The following SESTD1 variants were observed in gnomAD, a reference collection of about 807,000 sequenced individuals.
The protein encoded by SESTD1 is SEC14 and spectrin domain containing 1.
In SESTD1, 43 loss-of-function variants were observed where a neutral mutation model predicts 101.7. The ratio of observed to expected loss-of-function variants is 0.42; its 90% CI spans 0.33 to 0.55. SESTD1 has a LOEUF of 0.55. SESTD1 is among the 20% of genes least tolerant of loss of function. The pLI is 0.07. For missense variants in SESTD1, 647 were observed against 815.1 expected (o/e 0.79, Z 2.51); for synonymous variants, 283 against 286.8 (o/e 0.99, Z 0.13).
At chr2:179,173,010 G>A (rs1190284759) in intron 4 of SESTD1, among the ~76,000 whole-genome samples, 1 of 152,050 alleles carries the variant, frequency 6.6e-6, no homozygotes, top group Non-Finnish European at 1.5e-5. Flanking sequence ...GACCTACAAG[G>A]CCCTTCAAGC....
At chr2:179,152,415 A>T (rs1257884646) in intron 5 of SESTD1, among the ~76,000 whole-genome samples, 3 of 152,240 alleles carry the variant, frequency 2.0e-5, no homozygotes, top group Non-Finnish European at 4.4e-5. Context: ...ATGTGACTAT[A>T]TGTGCTTGTT....
chr2:179,117,700 A>G (rs2044664102), intron 13 of SESTD1, 87 bp from the exon 14 acceptor site: 1 of 1,060,010 alleles, frequency 9.4e-7, no homozygotes, highest in Admixed American at 2.9e-5. Context: ...TGTATTTTAT[A>G]GTACACTAAA....
At chr2:179,158,326 G>A (rs1463333310) in intron 5 of SESTD1, among the ~76,000 whole-genome samples, 1 of 151,992 alleles carries the variant, frequency 6.6e-6, no homozygotes, top group African/African-American at 2.4e-5. Context: ...AAGAGCTCTC[G>A]TCACTTTTCT....
chr2:179,203,541 C>T (rs2046549817), intron 1 of SESTD1, among the ~76,000 whole-genome samples: 1 of 134,354 alleles, frequency 7.4e-6, no homozygotes, highest in African/African-American at 3.0e-5. Context: ...CCTCCTCCCC[C>T]GATACCTTGC....
chr2:179,232,836 G>A (rs1188790230), intron 1 of SESTD1, among the ~76,000 whole-genome samples: 1 of 152,136 alleles, frequency 6.6e-6, no homozygotes, highest in Non-Finnish European at 1.5e-5. Flanking sequence ...TTTGTGTACA[G>A]AGAACCAAAA....
At chr2:179,187,329 C>CA (rs1194291781) in intron 2 of SESTD1, among the ~76,000 whole-genome samples, 3 of 151,652 alleles carry the variant, frequency 2.0e-5, no homozygotes, top group Non-Finnish European at 2.9e-5. Flanking sequence ...AAGATGGATC[C>CA]AAAAAAAAGA....
chr2:179,196,204 C>T lies in SESTD1; in HGVS notation c.-25-4338G>A, dbSNP rs144018565. Among the ~76,000 whole-genome samples, 1,294 of 152,312 alleles carry T rather than the reference C, an allele frequency of 8.5e-3. 10 individuals carry two copies. Among genetic ancestry groups the T allele is most frequent in the African/African-American group, 0.029 (1,205 of 41,564 alleles). On this transcript the variant is annotated intron_variant, in intron 1 of 17. Coordinates refer to ENST00000428443, the MANE Select transcript of SESTD1 (RefSeq NM_178123.5). ...CAAAGAACGGGGTGACAGATGGCAC[C>T]TGGAAAATTGGGTCACTCCCACTCG...
chr2:179,122,920 T>TAA (rs2044786379), intron 12 of SESTD1, among the ~76,000 whole-genome samples: 1 of 152,152 alleles, frequency 6.6e-6, no homozygotes, highest in Non-Finnish European at 1.5e-5. Flanking sequence ...ACAAAGGCTG[T>TAA]AAGCAAGTAA....
intron 1 of SESTD1, among the ~76,000 whole-genome samples, chr2:179,228,579 G>A (rs913832727): frequency 2.0e-5 from 3 of 152,156 alleles, no homozygotes; most frequent in Non-Finnish European, 4.4e-5. Context: ...AACCCAGGCC[G>A]TTGGCATTAT....
At chr2:179,196,847 A>T (rs2046405528) in intron 1 of SESTD1, among the ~76,000 whole-genome samples, 1 of 152,224 alleles carries the variant, frequency 6.6e-6, no homozygotes, top group Admixed American at 6.5e-5. Flanking sequence ...ATAAAACCAC[A>T]AAGATGGGGA....
At chr2:179,192,956 C>G (rs938779788) in intron 1 of SESTD1, among the ~76,000 whole-genome samples, 1 of 152,210 alleles carries the variant, frequency 6.6e-6, no homozygotes, top group South Asian at 2.1e-4. Flanking sequence ...AGCATATTCT[C>G]TTGAAGACAT....
Position 179,140,964 on chromosome 2 carries a change from G to A in SESTD1, c.849+2628C>T, listed in dbSNP as rs1004560467. ...TTTCAGGTGTATGCTCCTCTACCTT[G>A]CCATGAAATGTCAGAGTTTCTCAAA... On this transcript the variant is annotated intron_variant, in intron 9 of 17. Coordinates refer to ENST00000428443, the MANE Select transcript of SESTD1 (RefSeq NM_178123.5). 7.2e-5 allele frequency among the ~76,000 whole-genome samples: 11 copies of A among 152,180 alleles called. 1 individual carries two copies. Among genetic ancestry groups the A allele is most frequent in the African/African-American group, 2.4e-4 (10 of 41,520 alleles).
chr2:179,153,491 C>G (rs553634300), intron 5 of SESTD1, among the ~76,000 whole-genome samples: 1 of 152,140 alleles, frequency 6.6e-6, no homozygotes, highest in Non-Finnish European at 1.5e-5. Context: ...AACACACACA[C>G]ACTCTCTCGC....
Position 179,105,978 on chromosome 2 carries a change from G to GT in SESTD1, c.*3920dup, listed in dbSNP as rs1212315914. ...TATGAAAGTCAAATAATGTCAAATGGTAAGTTTCTACTTCATTTTATCTCA... is the reference window on the plus strand; with the variant it reads ...TATGAAAGTCAAATAATGTCAAATGGTTAAGTTTCTACTTCATTTTATCTCA... On this transcript the variant is annotated 3_prime_UTR_variant, in exon 18 of 18. Transcript: ENST00000428443. 6.6e-6 allele frequency: 1 copy of GT among 152,084 alleles called. No homozygotes were observed. Among genetic ancestry groups the GT allele is most frequent in the Non-Finnish European group, 1.5e-5 (1 of 68,016 alleles). The allele number at this position is 152,084 out of a possible 1,614,324, so 9.4% of individuals were successfully genotyped here.
Position 179,168,535 on chromosome 2 carries a change from A to C in SESTD1, c.369+3585T>G, listed in dbSNP as rs562271114. ...TTAAAGTGCTGAAAGACAAAAAAAA[A>C]AACTTGAAAATAATTTTCAAAACTA... On this transcript the variant is annotated intron_variant, in intron 5 of 17. Transcript: ENST00000428443. Among the ~76,000 whole-genome samples, 282 of 152,340 alleles carry C rather than the reference A, an allele frequency of 1.9e-3. 3 individuals are homozygous for C. Among genetic ancestry groups the C allele is most frequent in the African/African-American group, 6.4e-3 (268 of 41,572 alleles).
At chr2:179,149,655 C>T (rs550936040) in intron 6 of SESTD1, among the ~76,000 whole-genome samples, 1 of 152,222 alleles carries the variant, frequency 6.6e-6, no homozygotes, top group Non-Finnish European at 1.5e-5. Flanking sequence ...CATTCAGATA[C>T]GTGTTTCTTT....
At chr2:179,205,350 A>T (rs1232260311) in intron 1 of SESTD1, among the ~76,000 whole-genome samples, 2 of 135,024 alleles carry the variant, frequency 1.5e-5, no homozygotes, top group Non-Finnish European at 3.2e-5. Flanking sequence ...AAGAAATGAT[A>T]GATGCAGGTG....
intron 17 of SESTD1, among the ~76,000 whole-genome samples, chr2:179,111,230 T>C (rs568660660): frequency 6.6e-6 from 1 of 152,364 alleles, no homozygotes; most frequent in East Asian, 1.9e-4. Flanking sequence ...CTCTGATTGT[T>C]CAAGTTTAGG....
intron 10 of SESTD1, chr2:179,132,076 C>A (rs1399731312): frequency 5.3e-6 from 2 of 380,626 alleles, no homozygotes; most frequent in Non-Finnish European, 9.3e-6. Context: ...GCAAATTGTG[C>A]TTCTATAAAA....
Sources: allele counts gnomAD v4.1 joint callset (sites outside exome capture counted in the v4.1 genomes callset), GRCh38; gene constraint gnomAD v4.1.1; transcripts MANE v1.5; gene names NCBI Gene and HGNC (gene_info 2026-07-23, HGNC 2026-07-21).